CCDC33: variants seen among roughly 807,000 people sequenced by gnomAD.
The protein encoded by CCDC33 is coiled-coil domain-containing protein 33.
In CCDC33, 94 loss-of-function variants were observed where a neutral mutation model predicts 91.9. The ratio of observed to expected loss-of-function variants is 1.02; its 90% CI spans 0.87 to 1.21. The LOEUF (loss-of-function observed/expected upper bound fraction) is 1.21. CCDC33 is among the 50% of genes most tolerant of loss of function. CCDC33 has a pLI of 0.00. For missense variants in CCDC33, 940 were observed against 935.5 expected (o/e 1.00, Z -0.06); for synonymous variants, 396 against 374.5 (o/e 1.06, Z -0.66).
At chr15:74,317,627 C>A (rs572556399) in intron 11 of CCDC33, among the ~76,000 whole-genome samples, 210 of 152,310 alleles carry the variant, frequency 1.4e-3, no homozygotes, top group African/African-American at 4.9e-3. Flanking sequence ...ATTCATTAAA[C>A]AAGTAAACAA....
intron 2 of CCDC33, among the ~76,000 whole-genome samples, chr15:74,260,160 G>A (rs540328324): frequency 6.6e-5 from 10 of 152,302 alleles, no homozygotes; most frequent in South Asian, 2.1e-4. Context: ...GGCACAGAGC[G>A]TCATGGGAGG....
intron 1 of CCDC33, chr15:74,203,267 A>G (rs2074167269): frequency 1.7e-5 from 16 of 960,358 alleles, no homozygotes; most frequent in Non-Finnish European, 1.7e-5. Context: ...CAAGGCGGAA[A>G]TTAGCTCTTT....
chr15:74,225,077 C>T (rs2074744912), intron 2 of CCDC33, among the ~76,000 whole-genome samples: 1 of 151,852 alleles, frequency 6.6e-6, no homozygotes, highest in Non-Finnish European at 1.5e-5. Context: ...CCTTTCCTCA[C>T]CCCAGCCAGG....
At chr15:74,251,115 C>T (rs2075694941) in intron 2 of CCDC33, among the ~76,000 whole-genome samples, 1 of 152,240 alleles carries the variant, frequency 6.6e-6, no homozygotes, top group South Asian at 2.1e-4. Context: ...AGGATGTAAG[C>T]TTTGGCCTGC....
chr15:74,213,865 T>C (rs917834336), upstream of CCDC33, among the ~76,000 whole-genome samples: 6 of 152,178 alleles, frequency 3.9e-5, no homozygotes, highest in Non-Finnish European at 5.9e-5. Flanking sequence ...GATGATCGCA[T>C]GATCACCTAA....
In CCDC33 at chr15:74,326,112, G is replaced by A. The variant is rs920428762; in HGVS notation, c.1291-4077G>A. On this transcript the variant is annotated intron_variant, in intron 11 of 18. Coordinates refer to ENST00000398814, the MANE Select transcript of CCDC33 (RefSeq NM_025055.5). ...GGTCAAGGTAGGAGGATCTCTTGAG[G>A]CTAGGAGTTCAAGACCAGCCTGGGC... Among the ~76,000 whole-genome samples the A allele has an allele frequency of 3.3e-5, 5 of 152,254 alleles. No individual in the cohort carries two copies. In the East Asian group the frequency reaches 7.7e-4, roughly 24 times the overall value.
At chr15:74,277,291 C>G (rs1157272507) in intron 7 of CCDC33, among the ~76,000 whole-genome samples, 5 of 152,198 alleles carry the variant, frequency 3.3e-5, no homozygotes, top group Non-Finnish European at 7.3e-5. Context: ...TCCTAGATCC[C>G]TAGAGACCCC....
Position 74,315,829 on chromosome 15 carries a change from G to A in CCDC33, c.1291-14360G>A, listed in dbSNP as rs1414053715. Among the ~76,000 whole-genome samples, 6 of 152,144 alleles carry A rather than the reference G, an allele frequency of 3.9e-5. No homozygotes were observed. The East Asian group carries it at 1.2e-3, about 29-fold the overall frequency. On this transcript the variant is annotated intron_variant, in intron 11 of 18. Coordinates refer to ENST00000398814, the MANE Select transcript of CCDC33 (RefSeq NM_025055.5). ...CGTGGGAGTGGCTGGTCCAAGGGGA[G>A]CTGCACTATTAAGTGTGGAGGGGGA...
intron 2 of CCDC33, among the ~76,000 whole-genome samples, chr15:74,227,359 C>T (rs2074835222): frequency 6.6e-6 from 1 of 152,220 alleles, no homozygotes; most frequent in Non-Finnish European, 1.5e-5. Context: ...AGCTGTTCCT[C>T]AGCCCATGCA....
intron 11 of CCDC33, among the ~76,000 whole-genome samples, chr15:74,323,006 C>G (rs1397405091): frequency 6.6e-6 from 1 of 152,186 alleles, no homozygotes; most frequent in African/African-American, 2.4e-5. Context: ...TGAAGCCCCT[C>G]CCCGCTCCTA....
chr15:74,208,081 T>C, intron 1 of CCDC33: 1 of 1,221,510 alleles, frequency 8.2e-7, no homozygotes, highest in African/African-American at 1.5e-5. Context: ...GCTGTTCTGG[T>C]ATGAGGGTGG....
intron 2 of CCDC33, among the ~76,000 whole-genome samples, chr15:74,230,528 A>G (rs1048491422): frequency 6.6e-5 from 10 of 152,238 alleles, no homozygotes; most frequent in African/African-American, 2.4e-4. Context: ...GCCGCCCCAA[A>G]TGAGAGCTGT....
chr15:74,276,873 G>C (rs2076463589), intron 7 of CCDC33, among the ~76,000 whole-genome samples: 1 of 152,222 alleles, frequency 6.6e-6, no homozygotes, highest in South Asian at 2.1e-4. Context: ...AATGGGGTCA[G>C]AAGTCATGGC....
chr15:74,329,062 T>C (rs1346264250), intron 11 of CCDC33, among the ~76,000 whole-genome samples: 1 of 152,218 alleles, frequency 6.6e-6, no homozygotes, highest in Non-Finnish European at 1.5e-5. Flanking sequence ...TATTTTGTGC[T>C]GTTCAGATTT....
chr15:74,310,955 G>T (rs1227920716), intron 11 of CCDC33, among the ~76,000 whole-genome samples: 1 of 152,216 alleles, frequency 6.6e-6, no homozygotes, highest in Non-Finnish European at 1.5e-5. Flanking sequence ...AAGCTCTGGG[G>T]TGGCCTGGAG....
At chr15:74,291,158 G>A (rs555454644) in intron 10 of CCDC33, among the ~76,000 whole-genome samples, 3 of 152,360 alleles carry the variant, frequency 2.0e-5, no homozygotes, top group Admixed American at 1.3e-4. Context: ...CCCCACTGCA[G>A]CTGCAAGAGC....
intron 11 of CCDC33, among the ~76,000 whole-genome samples, chr15:74,329,879 C>T (rs2060389864): frequency 6.6e-6 from 1 of 152,216 alleles, no homozygotes; most frequent in South Asian, 2.1e-4. Flanking sequence ...TGGATCTTCT[C>T]AAGTCTCCAT....
chr15:74,272,989 G>A (rs963445411), intron 7 of CCDC33, 98 bp downstream of exon 7: 75 of 1,482,258 alleles, frequency 5.1e-5, no homozygotes, highest in Non-Finnish European at 6.2e-5. Context: ...CTTGACTATC[G>A]AGTAAGAGTT....
chr15:74,274,757 C>T (rs1254105532), intron 7 of CCDC33, among the ~76,000 whole-genome samples: 1 of 152,224 alleles, frequency 6.6e-6, no homozygotes, highest in Non-Finnish European at 1.5e-5. Context: ...TCTCTGGCTG[C>T]CTTTGCTGCC....
Sources: allele counts gnomAD v4.1 joint callset (sites outside exome capture counted in the v4.1 genomes callset), GRCh38; gene constraint gnomAD v4.1.1; transcripts MANE v1.5; gene names NCBI Gene and HGNC (gene_info 2026-07-23, HGNC 2026-07-21).